Variants in ANOS1 observed in about 807,000 individuals in gnomAD.
The protein encoded by ANOS1 is anosmin 1.
A neutral mutation model predicts 59.0 loss-of-function variants in ANOS1; 6 were observed. The observed-to-expected ratio is 0.10, with a 90% CI of 0.06 to 0.20. ANOS1 has a LOEUF of 0.20. Ranked by LOEUF, ANOS1 falls within the 10% of genes least tolerant of loss-of-function variation. ANOS1 has a pLI of 1.00. For synonymous variants in ANOS1, 217 were observed against 223.4 expected (o/e 0.97, Z 0.25); for missense variants, 433 against 542.3 (o/e 0.80, Z 2.00).
At chrX:8,603,041 A>G (rs1460731194) in intron 3 of ANOS1, among the ~76,000 whole-genome samples, 1 of 111,742 alleles carries the variant, frequency 8.9e-6, no homozygotes, top group Non-Finnish European at 1.9e-5. Context: ...ACCCAGCCAA[A>G]TGTCATTCTT....
chrX:8,581,894 T>C (rs188506119), intron 6 of ANOS1, among the ~76,000 whole-genome samples: 49 of 112,182 alleles, frequency 4.4e-4, no homozygotes, highest in African/African-American at 1.6e-3. Context: ...CCCAAAAAGA[T>C]TGATCCTTCA....
At chrX:8,579,842 G>A (rs1349479300) in intron 6 of ANOS1, among the ~76,000 whole-genome samples, 2 of 111,868 alleles carry the variant, frequency 1.8e-5, no homozygotes, top group African/African-American at 3.3e-5. Context: ...TGAGTGCCCC[G>A]TGGAGAGGAA....
At position 8,710,814 on chromosome X, in the gene ANOS1, C is replaced by A. The variant is rs556861690; in HGVS notation, c.208-11069G>T. Among the ~76,000 whole-genome samples the A allele has an allele frequency of 2.3e-4, 26 of 112,242 alleles. 1 individual carries two copies. The South Asian group carries it at 9.7e-3, about 42-fold the overall frequency. ...TATTTTATTCTCTGATTAACTAATTCATCTAGTAACTCTCTCCAAAACATT... is the reference window on the plus strand; with the variant it reads ...TATTTTATTCTCTGATTAACTAATTAATCTAGTAACTCTCTCCAAAACATT... On this transcript the variant is annotated intron_variant, in intron 1 of 13. Transcript: ENST00000262648.
chrX:8,619,335 G>A (rs1370136830), intron 3 of ANOS1, among the ~76,000 whole-genome samples: 1 of 111,642 alleles, frequency 9.0e-6, no homozygotes, highest in Non-Finnish European at 1.9e-5. Flanking sequence ...GCCGGGCAAG[G>A]TGGCTCACGC....
intron 6 of ANOS1, among the ~76,000 whole-genome samples, chrX:8,576,090 C>T (rs1275792185): frequency 9.0e-6 from 1 of 111,414 alleles, no homozygotes; most frequent in East Asian, 2.8e-4. Context: ...GCCTGGATGA[C>T]AGAGTGAGAT....
At chrX:8,551,792 G>A (rs967228030) in intron 9 of ANOS1, among the ~76,000 whole-genome samples, 1 of 111,893 alleles carries the variant, frequency 8.9e-6, no homozygotes, top group African/African-American at 3.2e-5. Context: ...GGCCAACATG[G>A]TGAAACCCCA....
Position 8,561,466 on chromosome X carries a change from A to AT in ANOS1, c.1207+6765dup, listed in dbSNP as rs34119310. Among the ~76,000 whole-genome samples, 285 of 67,025 alleles carry AT rather than the reference A, an allele frequency of 4.3e-3. 6 individuals are homozygous for AT. Among genetic ancestry groups the AT allele is most frequent in the African/African-American group, 0.014 (240 of 17,558 alleles). The allele number at this position is 67,025 out of a possible 115,157, so 58.2% of individuals were successfully genotyped here. On this transcript the variant is annotated intron_variant, in intron 8 of 13. Coordinates refer to ENST00000262648, the MANE Select transcript of ANOS1 (RefSeq NM_000216.4). ...AGGCGCTCACCACCATGCCCGGCTA[A>AT]TTTTTTTTTTTTTTTTTTTTTTGTA...
intron 2 of ANOS1, among the ~76,000 whole-genome samples, chrX:8,675,242 A>G (rs748762420): frequency 8.9e-6 from 1 of 112,095 alleles, no homozygotes; most frequent in African/African-American, 3.2e-5. Flanking sequence ...AAGAGACTCC[A>G]AAGTATTTTG....
At chrX:8,731,689 G>C in intron 1 of ANOS1, 141 bp downstream of exon 1, 1 of 1,049,688 alleles carries the variant, frequency 9.5e-7, no homozygotes, top group Non-Finnish European at 1.2e-6. Flanking sequence ...CCGACTGTAA[G>C]ATCCACGCCC....
intron 2 of ANOS1, among the ~76,000 whole-genome samples, chrX:8,642,588 T>C (rs1488533373): frequency 6.2e-5 from 7 of 112,235 alleles, no homozygotes; most frequent in African/African-American, 2.3e-4. Context: ...GTAATTTATA[T>C]TGAACAATAA....
intron 2 of ANOS1, among the ~76,000 whole-genome samples, chrX:8,695,786 T>C (rs1051222395): frequency 9.0e-6 from 1 of 110,969 alleles, no homozygotes; most frequent in South Asian, 3.8e-4. Context: ...TAAAAAGTTA[T>C]TCTATAAGAC....
rs1433138119 is a variant in ANOS1, at chrX:8,594,679, TATATATATATATATATATACAC to T, written c.541+2333_541+2354del. ...ATGTGTATATATATATATATATATA[TATATATATATATATATATACAC>T]ATATATATACACATATATATATCTA... On this transcript the variant is annotated intron_variant, in intron 4 of 13. Coordinates refer to ENST00000262648, the MANE Select transcript of ANOS1 (RefSeq NM_000216.4). 1.1e-3 allele frequency among the ~76,000 whole-genome samples: 66 copies of T among 58,712 alleles called. 1 individual carries two copies. The highest frequency in any genetic ancestry group is 3.6e-3 in the African/African-American group (47 of 12,990). 51.0% of individuals were successfully genotyped at this position (58,712 alleles called of 115,157 possible).
chrX:8,634,030 T>A (rs1309347384), intron 2 of ANOS1, among the ~76,000 whole-genome samples: 1 of 111,820 alleles, frequency 8.9e-6, no homozygotes, highest in African/African-American at 3.2e-5. Flanking sequence ...TGGCGTTACA[T>A]CAATGTTAAA....
chrX:8,545,382 G>GGGAA (rs56104485), intron 9 of ANOS1, among the ~76,000 whole-genome samples: 3,707 of 99,026 alleles, frequency 0.037, 84 homozygotes, highest in Middle Eastern at 0.056. Context: ...GGAAAGGAAA[G>GGGAA]GGAAGGAAGG....
intron 12 of ANOS1, chrX:8,535,317 T>G (rs745766559): frequency 1.4e-5 from 5 of 368,104 alleles, no homozygotes; most frequent in Non-Finnish European, 1.9e-5. Flanking sequence ...AGAAAATGGC[T>G]CAATCACTTA....
chrX:8,543,698 T>C (rs913624948), intron 9 of ANOS1, among the ~76,000 whole-genome samples: 1 of 110,345 alleles, frequency 9.1e-6, no homozygotes, highest in African/African-American at 3.3e-5. Context: ...ACCCTGTCTC[T>C]ACTAAAAATA....
intron 2 of ANOS1, among the ~76,000 whole-genome samples, chrX:8,654,352 G>C (rs181510951): frequency 1.8e-5 from 2 of 111,792 alleles, no homozygotes; most frequent in Non-Finnish European, 3.8e-5. Flanking sequence ...TTCCATAAAA[G>C]AAAAAAAGAA....
chrX:8,659,801 G>C (rs1309952497), intron 2 of ANOS1, among the ~76,000 whole-genome samples: 1 of 109,606 alleles, frequency 9.1e-6, no homozygotes, highest in African/African-American at 3.3e-5. Context: ...GCTGATTTTT[G>C]TACTTTTAGT....
chrX:8,701,674 T>C (rs1250375614), intron 1 of ANOS1, among the ~76,000 whole-genome samples: 1 of 112,511 alleles, frequency 8.9e-6, no homozygotes, highest in African/African-American at 3.2e-5. Flanking sequence ...GCTACAGCAA[T>C]CTTGCTTCAT....
Sources: gnomAD v4.1 joint callset for allele counts (sites outside exome capture counted in the v4.1 genomes callset) on GRCh38, gnomAD v4.1.1 for gene constraint, MANE v1.5 for transcripts, NCBI Gene and HGNC (gene_info 2026-07-23, HGNC 2026-07-21) for gene names.